Variants in MDFIC observed in about 807,000 individuals in gnomAD.
MDFIC encodes the protein MyoD family inhibitor domain containing.
In MDFIC, 17 loss-of-function variants were observed where a neutral mutation model predicts 23.2. That is an observed-to-expected ratio of 0.73 (90% CI 0.50 to 1.10). The LOEUF is 1.10. MDFIC is among the 50% of genes least tolerant of loss of function. The pLI is 0.00. For missense variants in MDFIC, 356 were observed against 316.6 expected, an observed-to-expected ratio of 1.12 and a Z score of -0.95; for synonymous variants, 120 against 115.2, an observed-to-expected ratio of 1.04 and a Z score of -0.27.
chr7:114,942,767 C>A lies in MDFIC; in HGVS notation c.217+370C>A, dbSNP rs1454130001. Reference sequence around the variant, plus strand: ...GATTAATGCTACTATGGTCTCTGTTCTTCTAGCTAACTGACTCCAAATTTT... The same window carrying A: ...GATTAATGCTACTATGGTCTCTGTTATTCTAGCTAACTGACTCCAAATTTT... On this transcript the variant is annotated intron_variant, in intron 3 of 4. Transcript: ENST00000393486. Among the ~76,000 whole-genome samples the A allele has an allele frequency of 2.0e-5, 3 of 152,168 alleles. No homozygotes were observed. In the East Asian group the frequency reaches 5.8e-4, roughly 29 times the overall value.
intron 3 of MDFIC, among the ~76,000 whole-genome samples, chr7:114,968,476 A>T (rs1237099147): frequency 6.6e-6 from 1 of 152,214 alleles, no homozygotes; most frequent in Non-Finnish European, 1.5e-5. Flanking sequence ...TGCACGATTT[A>T]TCTGAATATT....
chr7:114,946,927 A>G (rs1215170797), intron 3 of MDFIC, among the ~76,000 whole-genome samples: 1 of 152,170 alleles, frequency 6.6e-6, no homozygotes, highest in African/African-American at 2.4e-5. Context: ...TCATCACTTT[A>G]GGGAATGCCT....
At chr7:114,994,270 T>TACG (rs1791262362) in intron 4 of MDFIC, among the ~76,000 whole-genome samples, 1 of 146,936 alleles carries the variant, frequency 6.8e-6, no homozygotes, top group Non-Finnish European at 1.6e-5. Context: ...GGCTCCTGAA[T>TACG]ACAACACACT....
Position 114,928,125 on chromosome 7 carries a change from A to T in MDFIC, c.94+4998A>T, listed in dbSNP as rs114011691. Among the ~76,000 whole-genome samples the T allele has an allele frequency of 3.4e-3, 516 of 152,346 alleles. 6 individuals are homozygous for T. The highest frequency in any genetic ancestry group is 0.011 in the African/African-American group (475 of 41,582). On this transcript the variant is annotated intron_variant, in intron 2 of 4. Transcript: ENST00000393486. ...TAATGTACATTTTATGATTTTAGTTATACAAGTGGAGGGCTTATCAGCTGG... is the reference window on the plus strand; with the variant it reads ...TAATGTACATTTTATGATTTTAGTTTTACAAGTGGAGGGCTTATCAGCTGG...
At chr7:114,932,728 G>A (rs1792338337) in intron 2 of MDFIC, among the ~76,000 whole-genome samples, 1 of 152,210 alleles carries the variant, frequency 6.6e-6, no homozygotes, top group Non-Finnish European at 1.5e-5. Flanking sequence ...TTGCTCTACA[G>A]CAAGGGTGGG....
chr7:114,946,340 G>C (rs573192990), intron 3 of MDFIC, among the ~76,000 whole-genome samples: 1 of 152,032 alleles, frequency 6.6e-6, no homozygotes, highest in South Asian at 2.1e-4. Context: ...CCTATAGAGA[G>C]CTTACATTTT....
At chr7:114,962,237 G>C (rs577697074) in intron 3 of MDFIC, among the ~76,000 whole-genome samples, 96 of 152,220 alleles carry the variant, frequency 6.3e-4, no homozygotes, top group Non-Finnish European at 9.8e-4. Context: ...TTGAAGCAGA[G>C]AAGTAAGTAG....
chr7:114,981,071 A>G (rs1411683672), intron 4 of MDFIC, among the ~76,000 whole-genome samples: 1 of 152,230 alleles, frequency 6.6e-6, no homozygotes, highest in Non-Finnish European at 1.5e-5. Flanking sequence ...AAGCATAGGT[A>G]GGCTGTTAAC....
At chr7:114,981,500 CT>C (rs1554475386) in intron 4 of MDFIC, among the ~76,000 whole-genome samples, 1 of 152,122 alleles carries the variant, frequency 6.6e-6, no homozygotes, top group Non-Finnish European at 1.5e-5. Context: ...CCCTCTTTTA[CT>C]TTTTCTTTCT....
chr7:114,995,399 T>A (rs143309226), intron 4 of MDFIC, among the ~76,000 whole-genome samples: 1 of 152,372 alleles, frequency 6.6e-6, no homozygotes, highest in African/African-American at 2.4e-5. Flanking sequence ...AGGAGCTGTG[T>A]TCCTTTGGAG....
At chr7:114,959,824 C>CTAATAATAATAATAA (rs56917725) in intron 3 of MDFIC, among the ~76,000 whole-genome samples, 71 of 145,590 alleles carry the variant, frequency 4.9e-4, no homozygotes, top group East Asian at 1.2e-3. Context: ...TCTAAATAGA[C>CTAATAATAATAATAA]TAATAATAAT....
chr7:114,999,831 TTTAAA>T (rs1318127624), intron 4 of MDFIC, among the ~76,000 whole-genome samples: 1 of 152,152 alleles, frequency 6.6e-6, no homozygotes, highest in African/African-American at 2.4e-5. Flanking sequence ...ATTTCTAAAC[TTTAAA>T]TTAAATTTGT....
chr7:114,929,439 C>T (rs1435263501), intron 2 of MDFIC, among the ~76,000 whole-genome samples: 1 of 152,114 alleles, frequency 6.6e-6, no homozygotes, highest in Non-Finnish European at 1.5e-5. Context: ...AATAGACTGC[C>T]AGTTAAGGGA....
intron 2 of MDFIC, among the ~76,000 whole-genome samples, chr7:114,939,944 C>T (rs775559977): frequency 6.6e-6 from 1 of 152,170 alleles, no homozygotes. Flanking sequence ...TAGGACTCTG[C>T]TGATGAGCTA....
chr7:114,935,219 T>C (rs1379419631), intron 2 of MDFIC, among the ~76,000 whole-genome samples: 3 of 152,134 alleles, frequency 2.0e-5, no homozygotes, highest in Non-Finnish European at 4.4e-5. Context: ...GCAAGTTTGT[T>C]ATACATAAGG....
rs115892620 is a variant in MDFIC at position 115,008,523 on chromosome 7, C to T, written c.494-7165C>T. Among the ~76,000 whole-genome samples the T allele has an allele frequency of 5.2e-3, 786 of 152,238 alleles. 3 individuals carry two copies. Among genetic ancestry groups the T allele is most frequent in the African/African-American group, 0.017 (722 of 41,536 alleles). ...GTGGCCTCTTGGGAGAGTCTTGTGC[C>T]AGAGCGTTCTGTGTAGGAGGCTCAC... is the stretch of plus-strand genomic sequence containing the variant. On this transcript the variant is annotated intron_variant, in intron 4 of 4. Transcript: ENST00000393486.
chr7:114,971,217 C>T lies in MDFIC; in HGVS notation c.218-8289C>T, dbSNP rs187097146. Among the ~76,000 whole-genome samples, 6 of 152,278 alleles carry T rather than the reference C, an allele frequency of 3.9e-5. No homozygotes were observed. The East Asian group carries it at 9.7e-4, about 25-fold the overall frequency. On this transcript the variant is annotated intron_variant, in intron 3 of 4. Transcript: ENST00000393486. ...CATGAAGATCCAGTCTTAGTATACA[C>T]ATTTCAAGAACTGATGAGCTGCTCT...
chr7:115,008,212 A>C lies in MDFIC; in HGVS notation c.494-7476A>C, dbSNP rs189240434. ...CATTTAAAATATGAAAGCAACTCCCATAGGATGGAGATGGAGTCTAGGATT... is the reference window on the plus strand; with the variant it reads ...CATTTAAAATATGAAAGCAACTCCCCTAGGATGGAGATGGAGTCTAGGATT... On this transcript the variant is annotated intron_variant, in intron 4 of 4. Coordinates refer to ENST00000393486, the MANE Select transcript of MDFIC (RefSeq NM_001166345.3). Among the ~76,000 whole-genome samples, 466 of 151,952 alleles carry C rather than the reference A, an allele frequency of 3.1e-3. 14 individuals carry two copies. Among genetic ancestry groups the C allele is most frequent in the Admixed American group, 0.027 (409 of 15,274 alleles).
intron 3 of MDFIC, among the ~76,000 whole-genome samples, chr7:114,953,711 G>C (rs1003100917): frequency 6.6e-6 from 1 of 152,140 alleles, no homozygotes; most frequent in Middle Eastern, 3.2e-3. Context: ...GGGCCCCTGA[G>C]CATACCCTAA....
Sources: gnomAD v4.1 joint callset for allele counts (sites outside exome capture counted in the v4.1 genomes callset) on GRCh38, gnomAD v4.1.1 for gene constraint, MANE v1.5 for transcripts, NCBI Gene and HGNC (gene_info 2026-07-23, HGNC 2026-07-21) for gene names.